TDRP: variants seen among roughly 807,000 people sequenced by gnomAD.
The protein encoded by TDRP is testis development-related protein.
In TDRP, 12 loss-of-function variants were observed where a neutral mutation model predicts 10.5. The ratio of observed to expected loss-of-function variants is 1.15; its 90% CI spans 0.73 to 1.86. TDRP has a LOEUF of 1.86. Ranked by LOEUF, TDRP falls within the 40% of genes most tolerant of loss-of-function variation. The pLI, the probability that TDRP is intolerant of heterozygous loss-of-function variation, is 0.00. For synonymous variants in TDRP, 139 were observed against 95.4 expected (o/e 1.46, Z -2.67); for missense variants, 353 against 229.2 (o/e 1.54, Z -3.49).
At chr8:524,468 G>C (rs923014856) in intron 1 of TDRP, among the ~76,000 whole-genome samples, 1 of 151,956 alleles carries the variant, frequency 6.6e-6, no homozygotes, top group Admixed American at 6.6e-5. Flanking sequence ...CAGAAACAGA[G>C]ATATGTGACC....
chr8:535,437 C>G (rs573241739), intron 1 of TDRP, among the ~76,000 whole-genome samples: 1 of 152,180 alleles, frequency 6.6e-6, no homozygotes, highest in East Asian at 1.9e-4. Context: ...TCAGATAAAA[C>G]GAACATAAAA....
At chr8:539,187 G>T (rs999886213) in intron 1 of TDRP, among the ~76,000 whole-genome samples, 4 of 152,178 alleles carry the variant, frequency 2.6e-5, no homozygotes, top group African/African-American at 9.7e-5. Context: ...GCATGTGCAG[G>T]TGGGTATGTA....
chr8:492,779 C>T (rs1801018997), intron 2 of TDRP, 35 bp from the exon 3 acceptor site: 1 of 1,507,944 alleles, frequency 6.6e-7, no homozygotes, highest in African/African-American at 1.4e-5. Flanking sequence ...GTTGGTGACC[C>T]AGGTCTTAGG....
chr8:528,878 AAGT>A (rs1335614534), intron 1 of TDRP, among the ~76,000 whole-genome samples: 1 of 151,914 alleles, frequency 6.6e-6, no homozygotes, highest in African/African-American at 2.4e-5. Context: ...GGAATTTATT[AAGT>A]AGTATTAACT....
intron 1 of TDRP, among the ~76,000 whole-genome samples, chr8:530,079 G>C (rs1584361): frequency 0.79 from 119,451 of 151,800 alleles, 47,236 homozygotes; most frequent in Admixed American, 0.84. Context: ...CTGATTTGAT[G>C]AATTTAAATG....
intron 1 of TDRP, among the ~76,000 whole-genome samples, chr8:510,650 A>C (rs1485550173): frequency 2.0e-5 from 3 of 152,256 alleles, no homozygotes; most frequent in Admixed American, 6.5e-5. Flanking sequence ...ACCATCTTTC[A>C]AAAATGAAGG....
Position 544,782 on chromosome 8 carries a change from CCGTCCGTG to C in TDRP, c.-33_-26del, listed in dbSNP as rs1802592789. On this transcript the variant is annotated 5_prime_UTR_variant, in exon 1 of 3. Transcript: ENST00000324079. ...TGGTCAGGCGGGCTCCGGCGTCCCT[CCGTCCGTG>C]CGTCGGGCTGTGGCTCCGCGTCCCT... is the stretch of plus-strand genomic sequence containing the variant. The C allele has an allele frequency of 1.6e-6, 2 of 1,226,150 alleles. No homozygotes were observed. The highest frequency in any genetic ancestry group is 1.6e-5 in the African/African-American group (1 of 64,000). The allele number at this position is 1,226,150 out of a possible 1,614,324, so 76.0% of individuals were successfully genotyped here. A position where few individuals can be genotyped will look rare whatever the true frequency, so the allele number is the denominator to read the frequency against.
intron 1 of TDRP, among the ~76,000 whole-genome samples, chr8:498,974 G>C (rs1162761501): frequency 6.6e-6 from 1 of 152,010 alleles, no homozygotes; most frequent in Admixed American, 6.5e-5. Flanking sequence ...GGCCTCCCCA[G>C]CCACATGGAA....
chr8:507,107 A>G (rs1174085277), intron 1 of TDRP, among the ~76,000 whole-genome samples: 1 of 152,154 alleles, frequency 6.6e-6, no homozygotes, highest in African/African-American at 2.4e-5. Flanking sequence ...AGCAGGAGGG[A>G]GTATGAGCAT....
At position 535,263 on chromosome 8, in the gene TDRP, T is replaced by G. The variant is rs537736192; in HGVS notation, c.108+9387A>C. Among the ~76,000 whole-genome samples, 64 of 152,218 alleles carry G rather than the reference T, an allele frequency of 4.2e-4. 1 individual carries two copies. Among genetic ancestry groups the G allele is most frequent in the South Asian group, 1.0e-3 (5 of 4,814 alleles). On this transcript the variant is annotated intron_variant, in intron 1 of 2. Coordinates refer to ENST00000324079, the MANE Select transcript of TDRP (RefSeq NM_001384899.1). ...TGGTTCCCAAGTCTTTGGGAGCAGCTGCACCACCCTAGCTCATGGTCCAAC... is the reference window on the plus strand; with the variant it reads ...TGGTTCCCAAGTCTTTGGGAGCAGCGGCACCACCCTAGCTCATGGTCCAAC...
intron 1 of TDRP, among the ~76,000 whole-genome samples, chr8:514,047 A>AC (rs1375463276): frequency 6.6e-6 from 1 of 152,208 alleles, no homozygotes; most frequent in Admixed American, 6.5e-5. Context: ...ATTCAATGAA[A>AC]CCCCTATCAC....
At chr8:540,124 G>A (rs548163025) in intron 1 of TDRP, among the ~76,000 whole-genome samples, 7 of 152,284 alleles carry the variant, frequency 4.6e-5, no homozygotes, top group African/African-American at 1.7e-4. Context: ...ACAGATCTCT[G>A]CACTTCTTTT....
intron 1 of TDRP, among the ~76,000 whole-genome samples, chr8:511,080 G>T (rs769175077): frequency 1.2e-4 from 19 of 152,068 alleles, no homozygotes; most frequent in Non-Finnish European, 2.1e-4. Context: ...CAAAATGAAG[G>T]CATGAGACAT....
At chr8:521,571 ACT>A (rs1229091565) in intron 1 of TDRP, among the ~76,000 whole-genome samples, 2 of 152,046 alleles carry the variant, frequency 1.3e-5, no homozygotes, top group African/African-American at 4.8e-5. Context: ...ATTTCTCTCT[ACT>A]CTGTTCCATT....
chr8:493,447 C>T (rs1020405317), intron 2 of TDRP, among the ~76,000 whole-genome samples: 4 of 152,216 alleles, frequency 2.6e-5, no homozygotes, highest in African/African-American at 4.8e-5. Context: ...CGCCAGAGCA[C>T]GAAGGGCCAT....
At chr8:497,645 A>T (rs1801172823) in intron 1 of TDRP, among the ~76,000 whole-genome samples, 1 of 152,360 alleles carries the variant, frequency 6.6e-6, no homozygotes, top group East Asian at 1.9e-4. Flanking sequence ...GCCAGCTGCA[A>T]AAATTTGCAT....
chr8:522,247 G>A (rs892313068), intron 1 of TDRP, among the ~76,000 whole-genome samples: 8 of 152,260 alleles, frequency 5.3e-5, no homozygotes, highest in African/African-American at 1.7e-4. Flanking sequence ...AGATATAACC[G>A]TTATATCTTC....
intron 1 of TDRP, among the ~76,000 whole-genome samples, chr8:532,908 C>A (rs1292427152): frequency 6.6e-6 from 1 of 152,218 alleles, no homozygotes; most frequent in East Asian, 1.9e-4. Flanking sequence ...GGTTCTGACA[C>A]TGCATGGACC....
intron 1 of TDRP, among the ~76,000 whole-genome samples, chr8:544,301 G>C (rs1341734281): frequency 1.3e-5 from 2 of 151,944 alleles, no homozygotes; most frequent in African/African-American, 4.8e-5. Context: ...CGCGGGGTGC[G>C]CGCACTGCGT....
Sources: gnomAD v4.1 joint callset for allele counts (sites outside exome capture counted in the v4.1 genomes callset) on GRCh38, gnomAD v4.1.1 for gene constraint, MANE v1.5 for transcripts, NCBI Gene and HGNC (gene_info 2026-07-23, HGNC 2026-07-21) for gene names.